The following LRP11 variants were observed in gnomAD, a reference collection of about 807,000 sequenced individuals.
LRP11 encodes low-density lipoprotein receptor-related protein 11.
LRP11 carries 25 observed loss-of-function variants against 43.1 expected under a neutral mutation model. The ratio of observed to expected loss-of-function variants is 0.58; its 90% confidence interval spans 0.42 to 0.81. The LOEUF is 0.81. Among genes scored for constraint, LRP11 ranks in the 30% least tolerant of loss-of-function variants. LRP11 has a pLI of 0.00. For synonymous variants in LRP11, 316 were observed against 299.4 expected (o/e 1.06, Z -0.57); for missense variants, 623 against 665.1 (o/e 0.94, Z 0.70).
chr6:149,822,734 G>A (rs1035391827), intron 6 of LRP11, among the ~76,000 whole-genome samples: 4 of 152,212 alleles, frequency 2.6e-5, no homozygotes, highest in African/African-American at 9.6e-5. Context: ...AATTATAGAT[G>A]AAGCATAGTT....
intron 2 of LRP11, among the ~76,000 whole-genome samples, chr6:149,851,001 G>A (rs1776710741): frequency 1.3e-5 from 2 of 152,212 alleles, no homozygotes; most frequent in South Asian, 4.1e-4. Flanking sequence ...TGATTATGAT[G>A]AAGTCTCAGC....
rs143869691 is a variant in LRP11, at chr6:149,863,465, G to A, written c.556C>T (p.Leu186Phe). The change falls in exon 1 of 7, where the codon CTC (leucine) becomes TTC (phenylalanine). Residue 186 changes from leucine (L) to phenylalanine (F), a missense_variant. By Grantham distance (22) the Leu-to-Phe change is conservative (BLOSUM62 0). Coordinates refer to ENST00000239367, the MANE Select transcript of LRP11 (RefSeq NM_032832.6). ...ALHSGYSSYS[L>F]SRAPDGAALA... ...GCGGCGCCGTCCGGCGCGCGGCTGA[G>A]GCTGTAGCTGCTGTAGCCGCTGTGC... The A allele has an allele frequency of 5.4e-3, 7,278 of 1,338,704 alleles. 16 individuals carry two copies. The highest frequency in any genetic ancestry group is 6.4e-3 in the Non-Finnish European group (6,693 of 1,053,468). 82.9% of individuals were successfully genotyped at this position (1,338,704 alleles called of 1,614,324 possible). A position where few individuals can be genotyped will look rare whatever the true frequency, so the allele number is the denominator to read the frequency against.
At chr6:149,852,163 T>C (rs1776729293) in intron 2 of LRP11, among the ~76,000 whole-genome samples, 1 of 152,122 alleles carries the variant, frequency 6.6e-6, no homozygotes, top group Non-Finnish European at 1.5e-5. Context: ...TGAGTCCAAT[T>C]CTAATGCAAT....
chr6:149,845,151 C>G (rs1345272282), intron 2 of LRP11, among the ~76,000 whole-genome samples: 1 of 152,214 alleles, frequency 6.6e-6, no homozygotes, highest in African/African-American at 2.4e-5. Context: ...TCATTGTTTT[C>G]ATTTGTAAAA....
chr6:149,836,286 G>A lies in LRP11; in HGVS notation c.1051C>T (p.Arg351Cys), dbSNP rs1475603418. 11 of 1,614,078 alleles carry A rather than the reference G, an allele frequency of 6.8e-6. No homozygotes were observed. The highest frequency in any genetic ancestry group is 2.2e-5 in the East Asian group (1 of 44,884). ...GCTGCCGTGTGGGTTACCATCTTGC[G>A]GTCCAGGCCCACTGAAGTGTGGAAG... ...EDFCQNLGLDRKMVTHTAASP... is the reference protein window; with the variant it reads ...EDFCQNLGLDCKMVTHTAASP... Residue 351 changes from arginine (R) to cysteine (C), a missense_variant, in exon 5 of 7, where the codon CGC (arginine) becomes TGC (cysteine). Coordinates refer to ENST00000239367, the MANE Select transcript of LRP11 (RefSeq NM_032832.6).
At chr6:149,821,849 A>G (rs1776281877) in intron 6 of LRP11, among the ~76,000 whole-genome samples, 1 of 152,206 alleles carries the variant, frequency 6.6e-6, no homozygotes, top group Non-Finnish European at 1.5e-5. Context: ...TTCATTCTGC[A>G]TTCATTAAAA....
At chr6:149,824,963 C>T (rs538467972) in intron 6 of LRP11, among the ~76,000 whole-genome samples, 1 of 152,306 alleles carries the variant, frequency 6.6e-6, no homozygotes, top group African/African-American at 2.4e-5. Context: ...AAGAGGCAGG[C>T]TGGTTTCCCT....
At chr6:149,853,273 T>A in intron 1 of LRP11, 113 bp from the exon 2 acceptor site, 1 of 783,608 alleles carries the variant, frequency 1.3e-6, no homozygotes, top group South Asian at 2.5e-5. Context: ...GCTAAGAGAA[T>A]CCATATTAAA....
At chr6:149,861,514 G>A (rs181296836) in intron 1 of LRP11, among the ~76,000 whole-genome samples, 2 of 152,306 alleles carry the variant, frequency 1.3e-5, no homozygotes, top group East Asian at 3.9e-4. Flanking sequence ...GTAACCTGAA[G>A]TTTTTGTTTC....
chr6:149,842,853 G>T, intron 3 of LRP11, 130 bp downstream of exon 3: 3 of 1,238,682 alleles, frequency 2.4e-6, no homozygotes, highest in Non-Finnish European at 3.4e-6. Context: ...TTTTAGCAAA[G>T]ACTCTCTCAT....
At chr6:149,844,218 T>C (rs932004024) in intron 2 of LRP11, among the ~76,000 whole-genome samples, 4 of 151,044 alleles carry the variant, frequency 2.6e-5, no homozygotes, top group East Asian at 1.9e-4. Flanking sequence ...ACCCACTGCA[T>C]TCCAATCTGC....
chr6:149,833,924 C>T (rs1429606445), intron 5 of LRP11, among the ~76,000 whole-genome samples: 2 of 152,050 alleles, frequency 1.3e-5, no homozygotes, highest in African/African-American at 2.4e-5. Context: ...AGGTTTGTCA[C>T]ACAGGTAAAC....
At chr6:149,835,942 C>G (rs764070186) in intron 5 of LRP11, 143 bp downstream of exon 5, 1 of 727,156 alleles carries the variant, frequency 1.4e-6, no homozygotes, top group Non-Finnish European at 2.3e-6. Flanking sequence ...CAAGATTTCC[C>G]CCCGCCTTTC....
At chr6:149,855,567 T>A (rs1776785231) in intron 1 of LRP11, among the ~76,000 whole-genome samples, 1 of 152,098 alleles carries the variant, frequency 6.6e-6, no homozygotes, top group African/African-American at 2.4e-5. Context: ...TGCATCTCAT[T>A]GGAAAGCGAG....
intron 5 of LRP11, among the ~76,000 whole-genome samples, chr6:149,833,456 A>C (rs1776434659): frequency 6.6e-6 from 1 of 152,134 alleles, no homozygotes; most frequent in African/African-American, 2.4e-5. Flanking sequence ...TGTGTTTTTG[A>C]TGAATAGTTA....
chr6:149,855,091 A>T (rs932957859), intron 1 of LRP11, among the ~76,000 whole-genome samples: 20 of 152,322 alleles, frequency 1.3e-4, no homozygotes, highest in African/African-American at 4.6e-4. Context: ...GCCCAGCACC[A>T]GGGTGTGGCA....
Position 149,819,542 on chromosome 6 carries a change from C to T in LRP11, c.*1007G>A, listed in dbSNP as rs1776251737. On this transcript the variant is annotated 3_prime_UTR_variant, in exon 7 of 7. Transcript: ENST00000239367. ...ATGGTCTAGAAATACGTAAGCCTGG[C>T]ATTAGCTGATGGCACATTCTAACAT... is the stretch of plus-strand genomic sequence containing the variant. The T allele has an allele frequency of 6.6e-6, 1 of 152,582 alleles. No homozygotes were observed. The highest frequency in any genetic ancestry group is 1.5e-5 in the Non-Finnish European group (1 of 68,032). The allele number at this position is 152,582 out of a possible 1,614,324, so 9.5% of individuals were successfully genotyped here. A position where few individuals can be genotyped will look rare whatever the true frequency, so the allele number is the denominator to read the frequency against.
chr6:149,836,891 T>C (rs1004134132), intron 4 of LRP11, among the ~76,000 whole-genome samples: 4 of 152,182 alleles, frequency 2.6e-5, no homozygotes, highest in African/African-American at 9.7e-5. Flanking sequence ...CTCTTCGTCC[T>C]TCCTCAAATC....
Position 149,839,277 on chromosome 6 carries a change from T to C in LRP11, c.914-1814A>G, listed in dbSNP as rs752862320. Among the ~76,000 whole-genome samples, 59 of 152,092 alleles carry C rather than the reference T, an allele frequency of 3.9e-4. 2 individuals carry two copies. Among genetic ancestry groups the C allele is most frequent in the Admixed American group, 4.6e-4 (7 of 15,264 alleles). On this transcript the variant is annotated intron_variant, in intron 3 of 6. Coordinates refer to ENST00000239367, the MANE Select transcript of LRP11 (RefSeq NM_032832.6). Reference sequence around the variant, plus strand: ...CTTGGTGTGAGGCAATTTGAAGATATATTGATCCAGGAGGAAGAGAAGTTA... The same window carrying C: ...CTTGGTGTGAGGCAATTTGAAGATACATTGATCCAGGAGGAAGAGAAGTTA...
Sources: gnomAD v4.1 joint callset for allele counts (sites outside exome capture counted in the v4.1 genomes callset) on GRCh38, gnomAD v4.1.1 for gene constraint, MANE v1.5 for transcripts, NCBI Gene and HGNC (gene_info 2026-07-23, HGNC 2026-07-21) for gene names.